The following ZNF385C variants were observed in gnomAD, a reference collection of about 807,000 sequenced individuals.
ZNF385C encodes CTD-2132N18.2.
In ZNF385C, 28 loss-of-function variants were observed where a neutral mutation model predicts 35.4. The observed-to-expected ratio is 0.79, with a 90% CI of 0.59 to 1.08. The LOEUF (loss-of-function observed/expected upper bound fraction) is 1.08. ZNF385C is among the 50% of genes least tolerant of loss of function. The pLI, the probability that ZNF385C is intolerant of heterozygous loss-of-function variation, is 0.00. For missense variants in ZNF385C, 605 were observed against 595.6 expected, an observed-to-expected ratio of 1.02 and a Z score of -0.16; for synonymous variants, 248 against 248.2, an observed-to-expected ratio of 1.00 and a Z score of 0.01.
intron 1 of ZNF385C, among the ~76,000 whole-genome samples, chr17:42,070,582 C>T (rs958374332): frequency 1.3e-5 from 2 of 152,142 alleles, no homozygotes; most frequent in East Asian, 1.9e-4. Context: ...TCAGAACAAT[C>T]CTGCGAGGCT....
At chr17:42,063,669 C>T (rs770428624) in intron 1 of ZNF385C, among the ~76,000 whole-genome samples, 40 of 152,152 alleles carry the variant, frequency 2.6e-4, no homozygotes, top group Non-Finnish European at 5.4e-4. Flanking sequence ...CTCAGAGAGG[C>T]GGACTGGGGT....
At chr17:42,079,203 AATATATATATATATACATAT>A (rs1475283830) in intron 1 of ZNF385C, among the ~76,000 whole-genome samples, 17 of 113,824 alleles carry the variant, frequency 1.5e-4, no homozygotes, top group African/African-American at 4.0e-4. Context: ...AAAAAAAAAA[AATATATATATATATACATAT>A]ATATATATAT....
In ZNF385C at chr17:42,042,939, G is replaced by T. The variant is rs1340724565; in HGVS notation, c.251-5054C>A. The T allele has an allele frequency of 4.9e-6, 6 of 1,232,414 alleles. No individual in the cohort carries two copies. The Admixed American group carries it at 2.5e-4, about 52-fold the overall frequency. 76.3% of individuals were successfully genotyped at this position (1,232,414 alleles called of 1,614,324 possible). ...GCAGCTCGAGCAGGGCAGAGCAGCG[G>T]TCATTGGGCACATCCTCCTTTGCCA... is the stretch of plus-strand genomic sequence containing the variant. On this transcript the variant is annotated intron_variant, in intron 2 of 8. Transcript: ENST00000692273.
chr17:42,038,803 G>C (rs1407065081), intron 2 of ZNF385C: 2 of 152,230 alleles, frequency 1.3e-5, no homozygotes, highest in Non-Finnish European at 2.9e-5. Context: ...GGTGAGGAGG[G>C]AAGGAAGGGA....
chr17:42,042,877 T>A, intron 2 of ZNF385C: 1 of 1,232,292 alleles, frequency 8.1e-7, no homozygotes, highest in Non-Finnish European at 1.0e-6. Flanking sequence ...ATCGCCATGC[T>A]CTGTGCCCAG....
At chr17:42,047,410 G>T (rs2053188006) in intron 2 of ZNF385C, among the ~76,000 whole-genome samples, 1 of 151,820 alleles carries the variant, frequency 6.6e-6, no homozygotes, top group Admixed American at 6.6e-5. Context: ...CCCGACCTCA[G>T]ATGATCCGCC....
At chr17:42,027,945 C>T in intron 7 of ZNF385C, 105 bp downstream of exon 7, 1 of 1,434,782 alleles carries the variant, frequency 7.0e-7, no homozygotes, top group South Asian at 1.3e-5. Flanking sequence ...CTCCAGCCTG[C>T]TCTGCTGTGC....
In ZNF385C at chr17:42,085,095, G is replaced by A. The variant is rs147581198; in HGVS notation, c.-3+13315C>T. On this transcript the variant is annotated intron_variant, in intron 1 of 8. Transcript: ENST00000692273. ...GCAGATCACCTGAGGCCAGGAGTTC[G>A]AGACCAGCCTGACCAACATGGTGAA... Among the ~76,000 whole-genome samples, 1,104 of 151,980 alleles carry A rather than the reference G, an allele frequency of 7.3e-3. 18 individuals are homozygous for A. The highest frequency in any genetic ancestry group is 0.022 in the African/African-American group (915 of 41,454).
intron 5 of ZNF385C, among the ~76,000 whole-genome samples, chr17:42,030,059 TA>T (rs1233149262): frequency 2.7e-5 from 4 of 150,182 alleles, no homozygotes; most frequent in Admixed American, 6.6e-5. Flanking sequence ...GAATTTAAAT[TA>T]AAAAAAAATA....
chr17:42,028,313 C>G, intron 6 of ZNF385C, 67 bp from the exon 7 acceptor site: 4 of 1,454,872 alleles, frequency 2.7e-6, no homozygotes, highest in Non-Finnish European at 3.7e-6. Context: ...AGACCCCCTC[C>G]ACACTCATGC....
chr17:42,031,474 C>G (rs1253381672), intron 5 of ZNF385C, 145 bp downstream of exon 5: 11 of 1,065,864 alleles, frequency 1.0e-5, no homozygotes, highest in Non-Finnish European at 1.4e-5. Flanking sequence ...TAGGAAAATT[C>G]ATGGCGTGGT....
At position 42,027,002 on chromosome 17, in the gene ZNF385C, TGCTGTAGGGGCAGGGCGGAGG is replaced by T. The variant is rs1555654255; in HGVS notation, c.1386_1406del (p.Leu463_Ala469del). 2 of 1,609,458 alleles carry T rather than the reference TGCTGTAGGGGCAGGGCGGAGG, an allele frequency of 1.2e-6. No homozygotes were observed. Among genetic ancestry groups the T allele is most frequent in the South Asian group, 2.2e-5 (2 of 90,554 alleles). On this transcript the variant is annotated inframe_deletion, in exon 9 of 9. Transcript: ENST00000692273. ...TGGGAGCCGGGAAGAGGGTAGTGGC[TGCTGTAGGGGCAGGGCGGAGG>T]GCCAGGGGCCCTGGCAGAGCACAGA...
At chr17:42,074,151 C>T (rs191374129) in intron 1 of ZNF385C, among the ~76,000 whole-genome samples, 2 of 152,232 alleles carry the variant, frequency 1.3e-5, no homozygotes, top group Non-Finnish European at 2.9e-5. Context: ...GGGTATCTCT[C>T]AGGTTGTAAT....
chr17:42,028,514 A>T (rs1555654600), intron 6 of ZNF385C: 2 of 582,654 alleles, frequency 3.4e-6, no homozygotes, highest in African/African-American at 1.9e-5. Context: ...ATCTAAGGAG[A>T]GAGGCAGATG....
chr17:42,057,950 A>G (rs1179616257), intron 2 of ZNF385C, among the ~76,000 whole-genome samples: 2 of 152,016 alleles, frequency 1.3e-5, no homozygotes, highest in Non-Finnish European at 2.9e-5. Context: ...CTCAAAAAAA[A>G]GAAAAAAGAA....
chr17:42,038,088 A>G, intron 2 of ZNF385C: 3 of 1,534,222 alleles, frequency 2.0e-6, no homozygotes, highest in Non-Finnish European at 2.6e-6. Flanking sequence ...AGAGGCAGGG[A>G]GTCCACAGTT....
intron 2 of ZNF385C, among the ~76,000 whole-genome samples, chr17:42,056,323 C>T (rs781879872): frequency 2.0e-5 from 3 of 152,182 alleles, no homozygotes; most frequent in Non-Finnish European, 2.9e-5. Flanking sequence ...CCATGGGTCC[C>T]GAGCATTTGT....
intron 1 of ZNF385C, among the ~76,000 whole-genome samples, chr17:42,078,771 C>T (rs1399394865): frequency 5.9e-5 from 9 of 151,758 alleles, no homozygotes; most frequent in Admixed American, 5.2e-4. Flanking sequence ...TGGGGGTGGC[C>T]TCAGGGTTGT....
intron 4 of ZNF385C, among the ~76,000 whole-genome samples, chr17:42,032,623 C>T (rs782801661): frequency 1.3e-5 from 2 of 152,150 alleles, no homozygotes; most frequent in Non-Finnish European, 2.9e-5. Flanking sequence ...TTCAACAAGT[C>T]ATTACTGAGC....
Sources: gnomAD v4.1 joint callset for allele counts (sites outside exome capture counted in the v4.1 genomes callset) on GRCh38, gnomAD v4.1.1 for gene constraint, MANE v1.5 for transcripts, NCBI Gene and HGNC (gene_info 2026-07-23, HGNC 2026-07-21) for gene names.